TMEM132D: variants seen among roughly 807,000 people sequenced by gnomAD.
TMEM132D encodes transmembrane protein 132D.
TMEM132D carries 21 observed loss-of-function variants against 62.3 expected under a neutral mutation model. The ratio of observed to expected loss-of-function variants is 0.34; its 90% CI spans 0.24 to 0.49. TMEM132D has a LOEUF of 0.49. TMEM132D is among the 20% of genes least tolerant of loss of function. The pLI is 0.99. For missense variants in TMEM132D, 1,346 were observed against 1,402.8 expected, an observed-to-expected ratio of 0.96 and a Z score of 0.65; for synonymous variants, 621 against 575.6, an observed-to-expected ratio of 1.08 and a Z score of -1.13.
chr12:129,282,000 G>A (rs1311633614), intron 4 of TMEM132D, among the ~76,000 whole-genome samples: 2 of 152,112 alleles, frequency 1.3e-5, no homozygotes, highest in South Asian at 2.1e-4. Context: ...CTGGTTTCCT[G>A]CCTTGCCTGA....
intron 3 of TMEM132D, among the ~76,000 whole-genome samples, chr12:129,434,065 C>CTCATATTAT (rs1872729017): frequency 6.6e-6 from 1 of 152,148 alleles, no homozygotes; most frequent in Non-Finnish European, 1.5e-5. Context: ...AACGTCATTC[C>CTCATATTAT]TCATATTATT....
intron 3 of TMEM132D, among the ~76,000 whole-genome samples, chr12:129,485,917 A>G (rs1359057215): frequency 6.6e-6 from 1 of 152,198 alleles, no homozygotes; most frequent in Non-Finnish European, 1.5e-5. Flanking sequence ...GTATCTAGAC[A>G]TGTTGTGTGT....
chr12:129,803,075 C>T (rs1223487230), intron 1 of TMEM132D, among the ~76,000 whole-genome samples: 1 of 150,954 alleles, frequency 6.6e-6, no homozygotes, highest in Admixed American at 6.6e-5. Flanking sequence ...CTTAGACTCC[C>T]ACACATTAAT....
chr12:129,333,984 G>A (rs912966414), intron 4 of TMEM132D, among the ~76,000 whole-genome samples: 1 of 152,142 alleles, frequency 6.6e-6, no homozygotes, highest in Non-Finnish European at 1.5e-5. Flanking sequence ...AGCTGGGCCT[G>A]TTGGCAGGTG....
chr12:129,420,306 G>GTTTTTTTTTTTTT (rs71082709), intron 3 of TMEM132D, among the ~76,000 whole-genome samples: 13 of 112,312 alleles, frequency 1.2e-4, no homozygotes, highest in African/African-American at 3.2e-4. Flanking sequence ...CACGTTCTCT[G>GTTTTTTTTTTTTT]TTTTTTTTTT....
At chr12:129,081,237 G>A (rs141162366) in intron 7 of TMEM132D, among the ~76,000 whole-genome samples, 20 of 152,334 alleles carry the variant, frequency 1.3e-4, no homozygotes, top group African/African-American at 4.8e-4. Flanking sequence ...CCAGCCCAGA[G>A]TTTCTCCCCT....
chr12:129,074,119 G>GGT lies in TMEM132D; in HGVS notation c.3054_3055dup (p.Pro1019HisfsTer28). ...CCCATCAATGATGATGGGTCCCAAA[G>GGT]GTTTGAACAGCTGCCCATTGATGCT... is the stretch of plus-strand genomic sequence containing the variant. On this transcript the variant is annotated frameshift_variant, in exon 9 of 9. Transcript: ENST00000422113. LOFTEE classifies it low-confidence loss of function (END_TRUNC). 1 of 1,614,142 alleles carries GGT rather than the reference G, an allele frequency of 6.2e-7. No homozygotes were observed. Among genetic ancestry groups the GGT allele is most frequent in the Non-Finnish European group, 8.5e-7 (1 of 1,180,030 alleles).
At chr12:129,453,003 C>T (rs1389472334) in intron 3 of TMEM132D, among the ~76,000 whole-genome samples, 4 of 152,264 alleles carry the variant, frequency 2.6e-5, no homozygotes, top group East Asian at 1.9e-4. Flanking sequence ...GAGTGGCAGG[C>T]GAGCGAGCCT....
Position 129,470,315 on chromosome 12 carries a change from A to C in TMEM132D, c.1115+60744T>G, listed in dbSNP as rs548815876. On this transcript the variant is annotated intron_variant, in intron 3 of 8. Transcript: ENST00000422113. Reference sequence around the variant, plus strand: ...TGTAAAGTTACCAAGGCAGCTTCTAAGATTTTGTTTTTTTAAATTTTTGGT... The same window carrying C: ...TGTAAAGTTACCAAGGCAGCTTCTACGATTTTGTTTTTTTAAATTTTTGGT... 5.9e-5 allele frequency among the ~76,000 whole-genome samples: 9 copies of C among 152,292 alleles called. No homozygotes were observed. In the South Asian group the frequency reaches 1.7e-3, roughly 28 times the overall value.
rs925724121 is a variant in TMEM132D, at chr12:129,653,098, T to G, written c.968+46712A>C. Among the ~76,000 whole-genome samples, 8 of 152,324 alleles carry G rather than the reference T, an allele frequency of 5.3e-5. 1 individual carries two copies. The Middle Eastern group carries it at 0.02, about 389-fold the overall frequency. ...CTGTTGGATGGGGTGGTGTTGAAGC[T>G]AGCCCAACCGTGTGAAGGGAAGAGA... On this transcript the variant is annotated intron_variant, in intron 2 of 8. Coordinates refer to ENST00000422113, the MANE Select transcript of TMEM132D (RefSeq NM_133448.3).
At position 129,472,438 on chromosome 12, in the gene TMEM132D, T is replaced by TG. The variant is rs368693683; in HGVS notation, c.1115+58620dup. On this transcript the variant is annotated intron_variant, in intron 3 of 8. Transcript: ENST00000422113. ...CACATACTGGGGCCTGTCGTTGGGT[T>TG]GGGGGGACGGGGAGGGAGAGAATTA... 1.5e-3 allele frequency among the ~76,000 whole-genome samples: 234 copies of TG among 152,016 alleles called. 2 individuals are homozygous for TG. The highest frequency in any genetic ancestry group is 2.8e-3 in the Non-Finnish European group (187 of 67,986).
At chr12:129,269,430 C>T (rs898729605) in intron 4 of TMEM132D, among the ~76,000 whole-genome samples, 1 of 151,858 alleles carries the variant, frequency 6.6e-6, no homozygotes, top group East Asian at 1.9e-4. Context: ...TTCCTTCCAT[C>T]TCCCCTGTTA....
chr12:129,375,944 T>G (rs565758320), intron 3 of TMEM132D, among the ~76,000 whole-genome samples: 1 of 152,264 alleles, frequency 6.6e-6, no homozygotes, highest in East Asian at 1.9e-4. Flanking sequence ...GCCTTGACAA[T>G]AATTATTTTT....
At chr12:129,860,683 G>A in intron 1 of TMEM132D, among the ~76,000 whole-genome samples, 1 of 152,124 alleles carries the variant, frequency 6.6e-6, no homozygotes, top group East Asian at 1.9e-4. Flanking sequence ...TCCGAGACTG[G>A]GTAATATATA....
At chr12:129,835,204 G>A (rs919951445) in intron 1 of TMEM132D, among the ~76,000 whole-genome samples, 3 of 152,152 alleles carry the variant, frequency 2.0e-5, no homozygotes, top group African/African-American at 7.2e-5. Flanking sequence ...CAAGGAAAGG[G>A]CTTTGCTGGG....
intron 5 of TMEM132D, among the ~76,000 whole-genome samples, chr12:129,204,048 C>A (rs1418059430): frequency 6.6e-6 from 1 of 152,184 alleles, no homozygotes; most frequent in Non-Finnish European, 1.5e-5. Context: ...ACATCAACTT[C>A]ATATACTGAA....
chr12:129,199,021 C>T (rs1318420902), intron 5 of TMEM132D, among the ~76,000 whole-genome samples: 1 of 151,058 alleles, frequency 6.6e-6, no homozygotes, highest in Non-Finnish European at 1.5e-5. Context: ...GAAGCAAACG[C>T]TTACCTGCTA....
At chr12:129,601,730 T>G (rs1183210497) in intron 2 of TMEM132D, among the ~76,000 whole-genome samples, 3 of 152,114 alleles carry the variant, frequency 2.0e-5, no homozygotes, top group Non-Finnish European at 2.9e-5. Context: ...CATTTATAAA[T>G]TAGGGTGAAA....
At chr12:129,487,485 C>T (rs920311270) in intron 3 of TMEM132D, among the ~76,000 whole-genome samples, 2 of 152,164 alleles carry the variant, frequency 1.3e-5, no homozygotes, top group Non-Finnish European at 2.9e-5. Flanking sequence ...AATCATCCTG[C>T]ATTCCCACGC....
Sources: gnomAD v4.1 joint callset for allele counts (sites outside exome capture counted in the v4.1 genomes callset) on GRCh38, gnomAD v4.1.1 for gene constraint, MANE v1.5 for transcripts, NCBI Gene and HGNC (gene_info 2026-07-23, HGNC 2026-07-21) for gene names.